Variants in MCUB observed in about 807,000 individuals in gnomAD.
The protein encoded by MCUB is mitochondrial calcium uniporter dominant negative subunit beta.
In MCUB, 46 loss-of-function variants were observed where a neutral mutation model predicts 41.4. The observed-to-expected ratio is 1.11, with a 90% CI of 0.88 to 1.42. The LOEUF (loss-of-function observed/expected upper bound fraction) is 1.42, where lower values mean the gene tolerates loss of function less well. Ranked by LOEUF, MCUB falls within the 40% of genes most tolerant of loss-of-function variation. MCUB has a pLI of 0.00. For synonymous variants in MCUB, 148 were observed against 148.2 expected, an observed-to-expected ratio of 1.00 and a Z score of 0.01; for missense variants, 403 against 404.9, an observed-to-expected ratio of 1.00 and a Z score of 0.04.
intron 1 of MCUB, 22 bp downstream of exon 1, chr4:109,560,458 TG>T (rs1262727533): frequency 3.4e-6 from 4 of 1,172,540 alleles, no homozygotes; most frequent in Non-Finnish European, 3.3e-6. Context: ...TGCCGGGCTG[TG>T]GGGGTTCGGG....
chr4:109,595,343 T>C (rs1338440917), intron 1 of MCUB, among the ~76,000 whole-genome samples: 2 of 152,160 alleles, frequency 1.3e-5, no homozygotes, highest in East Asian at 1.9e-4. Context: ...TAAAGAAACA[T>C]GCAAGAGCAT....
chr4:109,687,162 C>T (rs1579102217), intron 7 of MCUB, among the ~76,000 whole-genome samples: 1 of 151,858 alleles, frequency 6.6e-6, no homozygotes, highest in East Asian at 1.9e-4. Context: ...CAAGACCAGC[C>T]AGAGCAACAT....
intron 4 of MCUB, among the ~76,000 whole-genome samples, chr4:109,664,894 T>G (rs1729310792): frequency 6.6e-6 from 1 of 152,094 alleles, no homozygotes; most frequent in Non-Finnish European, 1.5e-5. Flanking sequence ...GAGGTAGGCC[T>G]GAAAATCAAG....
At chr4:109,678,213 T>C (rs893854363) in intron 4 of MCUB, among the ~76,000 whole-genome samples, 3 of 152,146 alleles carry the variant, frequency 2.0e-5, no homozygotes, top group Non-Finnish European at 2.9e-5. Context: ...CTATGTCTAC[T>C]TCTTTCTGCA....
At position 109,672,745 on chromosome 4, in the gene MCUB, G is replaced by C. The variant is rs1022783001; in HGVS notation, c.451+8351G>C. Among the ~76,000 whole-genome samples, 3 of 152,140 alleles carry C rather than the reference G, an allele frequency of 2.0e-5. No individual in the cohort carries two copies. The South Asian group carries it at 6.2e-4, about 31-fold the overall frequency. ...AGATAAGAAATTTCTGTTAAAAAAA[G>C]TCCTCCAGCTTGAAGCAGCTCCAGC... On this transcript the variant is annotated intron_variant, in intron 4 of 7. Coordinates refer to ENST00000394650, the MANE Select transcript of MCUB (RefSeq NM_017918.5).
At chr4:109,607,249 C>T (rs944974084) in intron 1 of MCUB, among the ~76,000 whole-genome samples, 3 of 151,914 alleles carry the variant, frequency 2.0e-5, no homozygotes, top group South Asian at 2.1e-4. Context: ...CAAAGTCTCA[C>T]TCTTGTCCCC....
chr4:109,657,759 T>C (rs372226744), intron 1 of MCUB, among the ~76,000 whole-genome samples: 2 of 152,372 alleles, frequency 1.3e-5, no homozygotes, highest in East Asian at 3.9e-4. Context: ...ACCAGTGCAA[T>C]TGTGTAAACA....
intron 1 of MCUB, among the ~76,000 whole-genome samples, chr4:109,626,677 G>A (rs1339695614): frequency 6.6e-6 from 1 of 152,094 alleles, no homozygotes; most frequent in African/African-American, 2.4e-5. Context: ...GCCAGGCATG[G>A]TGGCATGCGC....
chr4:109,583,600 T>C (rs1727236113), intron 1 of MCUB, among the ~76,000 whole-genome samples: 2 of 152,210 alleles, frequency 1.3e-5, no homozygotes, highest in African/African-American at 4.8e-5. Context: ...CAACACTGTG[T>C]TGAATAGGAG....
At chr4:109,663,192 C>A (rs1052095620) in intron 3 of MCUB, among the ~76,000 whole-genome samples, 9 of 152,200 alleles carry the variant, frequency 5.9e-5, no homozygotes, top group African/African-American at 2.2e-4. Context: ...TTTGAAAATA[C>A]ACATCCAGCA....
At chr4:109,567,547 GCCT>G (rs1726811220) in intron 1 of MCUB, among the ~76,000 whole-genome samples, 18 of 127,086 alleles carry the variant, frequency 1.4e-4, no homozygotes, top group Admixed American at 4.8e-4. Flanking sequence ...GGTGGCACGT[GCCT>G]GTAATCCCAC....
At chr4:109,582,117 G>A (rs2126126843) in intron 1 of MCUB, among the ~76,000 whole-genome samples, 1 of 152,066 alleles carries the variant, frequency 6.6e-6, no homozygotes, top group East Asian at 1.9e-4. Context: ...GCAAAGACTT[G>A]GAACCAACCC....
At chr4:109,684,918 A>G in intron 6 of MCUB, 1 of 381,358 alleles carries the variant, frequency 2.6e-6, no homozygotes, top group Middle Eastern at 7.1e-4. Flanking sequence ...TATAAAAAAA[A>G]CTGAATTTGC....
intron 1 of MCUB, among the ~76,000 whole-genome samples, chr4:109,627,391 T>C (rs905127638): frequency 3.3e-5 from 5 of 152,216 alleles, no homozygotes; most frequent in African/African-American, 4.8e-5. Context: ...TGAAAGAGTC[T>C]AGGTTTTGCC....
intron 1 of MCUB, among the ~76,000 whole-genome samples, chr4:109,635,680 A>C (rs571855830): frequency 6.6e-6 from 1 of 151,932 alleles, no homozygotes; most frequent in East Asian, 1.9e-4. Flanking sequence ...CTCTCTCTCT[A>C]CAAGGGAGCG....
At chr4:109,625,617 G>A (rs753013954) in intron 1 of MCUB, among the ~76,000 whole-genome samples, 1 of 152,182 alleles carries the variant, frequency 6.6e-6, no homozygotes, top group Non-Finnish European at 1.5e-5. Flanking sequence ...TCAACTTACA[G>A]TGGGTTCTTG....
At chr4:109,605,696 A>G (rs60749475) in intron 1 of MCUB, among the ~76,000 whole-genome samples, 3,023 of 152,200 alleles carry the variant, frequency 0.02, 99 homozygotes, top group African/African-American at 0.07. Context: ...TTTGCTTTAT[A>G]TATTGGGATG....
At chr4:109,637,918 A>G (rs1728630561) in intron 1 of MCUB, among the ~76,000 whole-genome samples, 1 of 152,244 alleles carries the variant, frequency 6.6e-6, no homozygotes, top group Non-Finnish European at 1.5e-5. Flanking sequence ...TAAATTTTTA[A>G]AATGTTTAAA....
intron 1 of MCUB, among the ~76,000 whole-genome samples, chr4:109,583,529 C>G (rs1310636847): frequency 6.6e-6 from 1 of 152,196 alleles, no homozygotes; most frequent in African/African-American, 2.4e-5. Context: ...TTGACTTCCT[C>G]TTTTCCTAAT....
Sources: allele counts gnomAD v4.1 joint callset (sites outside exome capture counted in the v4.1 genomes callset), GRCh38; gene constraint gnomAD v4.1.1; transcripts MANE v1.5; gene names NCBI Gene and HGNC (gene_info 2026-07-23, HGNC 2026-07-21).